SORCS2: variants seen among roughly 807,000 people sequenced by gnomAD.
SORCS2 encodes VPS10 domain-containing receptor SorCS2.
SORCS2 carries 100 observed loss-of-function variants against 141.6 expected under a neutral mutation model. The ratio of observed to expected loss-of-function variants is 0.71; its 90% CI spans 0.60 to 0.83. The LOEUF is 0.83. Among genes scored for constraint, SORCS2 ranks in the 40% least tolerant of loss-of-function variants. The pLI, the probability that SORCS2 is intolerant of heterozygous loss-of-function variation, is 0.00. For synonymous variants in SORCS2, 789 were observed against 676.9 expected (o/e 1.17, Z -2.57); for missense variants, 1,646 against 1,560.2 (o/e 1.05, Z -0.93).
chr4:7,401,808 G>A (rs1724611881), intron 2 of SORCS2, among the ~76,000 whole-genome samples: 1 of 152,178 alleles, frequency 6.6e-6, no homozygotes, highest in African/African-American at 2.4e-5. Flanking sequence ...ATAATTGGGG[G>A]TGGAGCTGGT....
chr4:7,641,637 A>G (rs1720732063), intron 4 of SORCS2, among the ~76,000 whole-genome samples: 1 of 152,120 alleles, frequency 6.6e-6, no homozygotes, highest in Non-Finnish European at 1.5e-5. Flanking sequence ...GGTCTTTTTC[A>G]CCATTTTAAT....
At chr4:7,508,095 G>A (rs1457577242) in intron 2 of SORCS2, among the ~76,000 whole-genome samples, 2 of 152,000 alleles carry the variant, frequency 1.3e-5, no homozygotes, top group Non-Finnish European at 2.9e-5. Context: ...AAGTGGTCCC[G>A]GCTGGGGTGT....
chr4:7,345,639 G>A (rs1323885232), intron 1 of SORCS2, among the ~76,000 whole-genome samples: 1 of 152,230 alleles, frequency 6.6e-6, no homozygotes, highest in East Asian at 1.9e-4. Context: ...TCTGTGAGAT[G>A]CAATGACCTT....
intron 1 of SORCS2, among the ~76,000 whole-genome samples, chr4:7,314,158 G>A (rs1352718045): frequency 6.6e-6 from 1 of 152,098 alleles, no homozygotes; most frequent in Non-Finnish European, 1.5e-5. Flanking sequence ...TGCGGTGAGG[G>A]GGTGCCAGCT....
chr4:7,414,837 T>C (rs1278640759), intron 2 of SORCS2, among the ~76,000 whole-genome samples: 2 of 152,200 alleles, frequency 1.3e-5, no homozygotes, highest in Non-Finnish European at 2.9e-5. Context: ...GGGAACTTCA[T>C]ACATGGTTGG....
At chr4:7,437,845 C>T (rs1257966456) in intron 2 of SORCS2, among the ~76,000 whole-genome samples, 6 of 152,236 alleles carry the variant, frequency 3.9e-5, no homozygotes, top group African/African-American at 1.2e-4. Context: ...TCTCACTGCC[C>T]CTCCCTCCTT....
intron 1 of SORCS2, among the ~76,000 whole-genome samples, chr4:7,334,494 A>T (rs1719866290): frequency 6.6e-6 from 1 of 152,070 alleles, no homozygotes; most frequent in Non-Finnish European, 1.5e-5. Flanking sequence ...GGCCAGGCCT[A>T]GCACAGAACC....
chr4:7,366,912 G>A lies in SORCS2; in HGVS notation c.481-29376G>A, dbSNP rs114243475. On this transcript the variant is annotated intron_variant, in intron 1 of 26. Coordinates refer to ENST00000507866, the MANE Select transcript of SORCS2 (RefSeq NM_020777.3). ...CTTTGCTCCTTTGTTCATTTATTCT[G>A]TCAGGTGTACTGAGTGCCTACGCCT... Among the ~76,000 whole-genome samples the A allele has an allele frequency of 9.2e-3, 1,401 of 152,318 alleles. 24 individuals are homozygous for A. The highest frequency in any genetic ancestry group is 0.032 in the African/African-American group (1,336 of 41,556).
chr4:7,433,309 C>T, intron 2 of SORCS2: 1 of 1,374,404 alleles, frequency 7.3e-7, no homozygotes, highest in Non-Finnish European at 9.4e-7. Context: ...CTCTGGCAGC[C>T]ACGGTCACGC....
intron 2 of SORCS2, chr4:7,433,927 G>T (rs757260947): frequency 6.2e-7 from 1 of 1,613,820 alleles, no homozygotes; most frequent in Non-Finnish European, 8.5e-7. Context: ...CAGGGCATGG[G>T]TGATCATGAG....
chr4:7,299,633 G>T (rs755625140), intron 1 of SORCS2, among the ~76,000 whole-genome samples: 1 of 152,198 alleles, frequency 6.6e-6, no homozygotes, highest in Non-Finnish European at 1.5e-5. Flanking sequence ...AAGGGAGCAC[G>T]TCTCATCCCT....
chr4:7,623,967 G>GT (rs1470995448), intron 3 of SORCS2, among the ~76,000 whole-genome samples: 2 of 152,142 alleles, frequency 1.3e-5, no homozygotes, highest in African/African-American at 4.8e-5. Context: ...AAGCCACTGG[G>GT]TGGTGACTGC....
intron 1 of SORCS2, among the ~76,000 whole-genome samples, chr4:7,299,308 C>T (rs974648066): frequency 6.6e-6 from 1 of 152,224 alleles, no homozygotes; most frequent in Non-Finnish European, 1.5e-5. Context: ...TGCTGCCAAT[C>T]AGGCATGGCC....
intron 2 of SORCS2, among the ~76,000 whole-genome samples, chr4:7,478,460 G>A (rs1041788023): frequency 1.1e-4 from 17 of 150,252 alleles, no homozygotes; most frequent in African/African-American, 3.9e-4. Context: ...TCCTGGCCCC[G>A]ACCCCTGCTG....
chr4:7,344,106 C>T (rs558461854), intron 1 of SORCS2, among the ~76,000 whole-genome samples: 1 of 152,220 alleles, frequency 6.6e-6, no homozygotes, highest in African/African-American at 2.4e-5. Flanking sequence ...GGACGTGGAA[C>T]CTGACACCCT....
At chr4:7,529,817 T>A (rs902550748) in intron 2 of SORCS2, among the ~76,000 whole-genome samples, 35 of 152,144 alleles carry the variant, frequency 2.3e-4, no homozygotes, top group African/African-American at 8.2e-4. Flanking sequence ...AGTAAGTGCG[T>A]CCTAATTATA....
In SORCS2 at chr4:7,667,047, A is replaced by C. The variant is rs528406961; in HGVS notation, c.1072-77A>C. 265 of 1,277,390 alleles carry C rather than the reference A, an allele frequency of 2.1e-4. 4 individuals are homozygous for C. In the South Asian group the frequency reaches 3.0e-3, roughly 14 times the overall value. 79.1% of individuals were successfully genotyped at this position (1,277,390 alleles called of 1,614,324 possible). On this transcript the variant is annotated intron_variant, in intron 7 of 26. Coordinates refer to ENST00000507866, the MANE Select transcript of SORCS2 (RefSeq NM_020777.3). The stretch of plus-strand genomic sequence containing the variant: ...GGCATTTTCACTTGCTGAATATAAC[A>C]TGTAGTTTTTCATTCATGAGACTGT...
chr4:7,417,845 G>A (rs75736633), intron 2 of SORCS2, among the ~76,000 whole-genome samples: 2,500 of 152,288 alleles, frequency 0.016, 60 homozygotes, highest in African/African-American at 0.057. Context: ...GGAACGGGTC[G>A]CTGAAGGCTC....
chr4:7,556,586 A>G (rs1419329983), intron 3 of SORCS2, among the ~76,000 whole-genome samples: 1 of 152,186 alleles, frequency 6.6e-6, no homozygotes, highest in Non-Finnish European at 1.5e-5. Flanking sequence ...TCATAAGAGT[A>G]TATGTATGCT....
Sources: allele counts gnomAD v4.1 joint callset (sites outside exome capture counted in the v4.1 genomes callset), GRCh38; gene constraint gnomAD v4.1.1; transcripts MANE v1.5; gene names NCBI Gene and HGNC (gene_info 2026-07-23, HGNC 2026-07-21).